CDH18: variants seen among roughly 807,000 people sequenced by gnomAD.
The protein encoded by CDH18 is cadherin-18.
Under a neutral mutation model 67.9 loss-of-function variants are expected in CDH18, and 31 were observed. That is an observed-to-expected ratio of 0.46 (90% confidence interval 0.34 to 0.62). CDH18 has a LOEUF of 0.62. Ranked by LOEUF, CDH18 falls within the 20% of genes least tolerant of loss-of-function variation. The pLI, the probability that CDH18 is intolerant of heterozygous loss-of-function variation, is 0.01. For missense variants in CDH18, 890 were observed against 975.5 expected (o/e 0.91, Z 1.17); for synonymous variants, 362 against 347.2 (o/e 1.04, Z -0.48).
intron 8 of CDH18, among the ~76,000 whole-genome samples, chr5:19,553,286 TCAC>T: frequency 6.6e-6 from 1 of 152,208 alleles, no homozygotes; most frequent in Non-Finnish European, 1.5e-5. Context: ...TCTGTCCATT[TCAC>T]CACAAGAAAT....
chr5:20,506,622 C>CT (rs2126466459), intron 1 of CDH18, among the ~76,000 whole-genome samples: 1 of 152,182 alleles, frequency 6.6e-6, no homozygotes, highest in East Asian at 1.9e-4. Flanking sequence ...CTTTGAGACA[C>CT]TGTAAAGTAA....
chr5:20,441,311 T>C (rs7729607), intron 1 of CDH18, among the ~76,000 whole-genome samples: 36,629 of 151,804 alleles, frequency 0.24, 4,796 homozygotes, highest in East Asian at 0.3. Flanking sequence ...TTCACAGTTA[T>C]GCTGCCTTAA....
chr5:19,505,807 T>C (rs1389298982), intron 10 of CDH18, among the ~76,000 whole-genome samples: 1 of 152,140 alleles, frequency 6.6e-6, no homozygotes, highest in Non-Finnish European at 1.5e-5. Flanking sequence ...TGCCAGGCTT[T>C]GGTATCAGGA....
intron 12 of CDH18, among the ~76,000 whole-genome samples, chr5:19,476,158 G>A (rs1383812997): frequency 2.6e-5 from 4 of 151,684 alleles, no homozygotes; most frequent in African/African-American, 4.8e-5. Flanking sequence ...CAAAAAGACA[G>A]GAAAAAAACA....
chr5:20,009,343 T>C (rs1007920385), intron 2 of CDH18, among the ~76,000 whole-genome samples: 5 of 152,104 alleles, frequency 3.3e-5, no homozygotes, highest in African/African-American at 1.2e-4. Context: ...TGATAGTGTA[T>C]TCTGGAAGAT....
At chr5:19,620,500 T>C (rs1750529400) in intron 5 of CDH18, among the ~76,000 whole-genome samples, 1 of 151,468 alleles carries the variant, frequency 6.6e-6, no homozygotes, top group African/African-American at 2.4e-5. Context: ...TAGGACAGAG[T>C]TGGTGTATTT....
At chr5:20,194,312 T>C (rs558799707) in intron 2 of CDH18, among the ~76,000 whole-genome samples, 1 of 152,124 alleles carries the variant, frequency 6.6e-6, no homozygotes, top group South Asian at 2.1e-4. Context: ...TATTTGTTTA[T>C]CTTTATCTTT....
At chr5:19,489,250 CTTTTTTTT>C (rs1237810466) in intron 11 of CDH18, among the ~76,000 whole-genome samples, 1 of 128,130 alleles carries the variant, frequency 7.8e-6, no homozygotes, top group African/African-American at 2.9e-5. Context: ...TTTTTTTTTT[CTTTTTTTT>C]TTTTTTTGAG....
intron 1 of CDH18, among the ~76,000 whole-genome samples, chr5:20,501,594 T>TATTATATATATATATTA: frequency 2.8e-5 from 1 of 35,272 alleles, no homozygotes; most frequent in East Asian, 5.5e-4. Flanking sequence ...TATATATATA[T>TATTATATATATATATTA]TATATATATA....
Position 19,852,058 on chromosome 5 carries a change from C to G in CDH18, c.-256-12816G>C, listed in dbSNP as rs114147374. ...TTGCAATATCTCACTTGTATCATGTCAACTTCATAAATTACCAAAATAGAA... is the reference window on the plus strand; with the variant it reads ...TTGCAATATCTCACTTGTATCATGTGAACTTCATAAATTACCAAAATAGAA... On this transcript the variant is annotated intron_variant, in intron 2 of 12. Transcript: ENST00000382275. Among the ~76,000 whole-genome samples the G allele has an allele frequency of 7.6e-3, 1,158 of 152,112 alleles. 18 individuals carry two copies. The highest frequency in any genetic ancestry group is 0.027 in the African/African-American group (1,118 of 41,522).
At chr5:20,177,458 C>A (rs1217829803) in intron 2 of CDH18, among the ~76,000 whole-genome samples, 2 of 152,122 alleles carry the variant, frequency 1.3e-5, no homozygotes, top group Non-Finnish European at 2.9e-5. Flanking sequence ...ACATTCAATG[C>A]AAACAACTCG....
At chr5:19,593,062 C>T (rs934908319) in intron 6 of CDH18, among the ~76,000 whole-genome samples, 1 of 151,986 alleles carries the variant, frequency 6.6e-6, no homozygotes, top group Non-Finnish European at 1.5e-5. Context: ...TCTCTACATT[C>T]TCTGTCTATG....
At chr5:20,293,523 A>G (rs1018190271) in intron 1 of CDH18, among the ~76,000 whole-genome samples, 7 of 152,166 alleles carry the variant, frequency 4.6e-5, no homozygotes, top group African/African-American at 1.7e-4. Context: ...GTAGATGTAT[A>G]ACTAAAACTC....
At chr5:20,165,551 AG>A (rs1287901154) in intron 2 of CDH18, among the ~76,000 whole-genome samples, 5 of 152,104 alleles carry the variant, frequency 3.3e-5, no homozygotes, top group African/African-American at 1.2e-4. Flanking sequence ...GTTTTAGGAG[AG>A]GATGCATATA....
intron 11 of CDH18, among the ~76,000 whole-genome samples, chr5:19,487,040 G>A (rs180692416): frequency 7.6e-4 from 115 of 152,248 alleles, no homozygotes; most frequent in Non-Finnish European, 1.5e-3. Context: ...AGCTAGTAAA[G>A]CTAATGTATT....
intron 5 of CDH18, among the ~76,000 whole-genome samples, chr5:19,624,199 G>T (rs1751160873): frequency 6.6e-6 from 1 of 151,780 alleles, no homozygotes; most frequent in African/African-American, 2.4e-5. Flanking sequence ...TAGAGACTGG[G>T]CTTTGCCATG....
chr5:20,371,232 T>A (rs1449253154), intron 1 of CDH18, among the ~76,000 whole-genome samples: 1 of 152,124 alleles, frequency 6.6e-6, no homozygotes, highest in East Asian at 1.9e-4. Flanking sequence ...TACTAGGATC[T>A]TCCTTGAGCA....
chr5:19,588,788 C>T (rs773172402), intron 7 of CDH18, among the ~76,000 whole-genome samples: 1 of 151,552 alleles, frequency 6.6e-6, no homozygotes, highest in East Asian at 1.9e-4. Flanking sequence ...CAAAAAAGAT[C>T]GAAAAAGACA....
intron 3 of CDH18, among the ~76,000 whole-genome samples, chr5:19,764,276 T>C (rs1301002413): frequency 6.6e-6 from 1 of 151,888 alleles, no homozygotes; most frequent in Non-Finnish European, 1.5e-5. Flanking sequence ...AAGATCTGGC[T>C]GGAGGGTAAA....
Sources: allele counts gnomAD v4.1 joint callset (sites outside exome capture counted in the v4.1 genomes callset), GRCh38; gene constraint gnomAD v4.1.1; transcripts MANE v1.5; gene names NCBI Gene and HGNC (gene_info 2026-07-23, HGNC 2026-07-21).